The following PLAAT5 variants were observed in gnomAD, a reference collection of about 807,000 sequenced individuals.
PLAAT5 encodes phospholipase A and acyltransferase 5.
In PLAAT5, 27 loss-of-function variants were observed where a neutral mutation model predicts 27.8. That is an observed-to-expected ratio of 0.97 (90% CI 0.72 to 1.34). The LOEUF (loss-of-function observed/expected upper bound fraction) is 1.34. Ranked by LOEUF, PLAAT5 falls within the 40% of genes most tolerant of loss-of-function variation. The pLI, the probability that PLAAT5 is intolerant of heterozygous loss-of-function variation, is 0.00. For synonymous variants in PLAAT5, 125 were observed against 136.1 expected (o/e 0.92, Z 0.57); for missense variants, 368 against 343.8 (o/e 1.07, Z -0.56).
rs548706002 is a variant in PLAAT5, at chr11:63,461,597, TAA to T, written c.*1904_*1905del. On this transcript the variant is annotated 3_prime_UTR_variant, in exon 6 of 6. Coordinates refer to ENST00000540857, the MANE Select transcript of PLAAT5 (RefSeq NM_001146729.2). ...TCAAAATGCAGAAACCATTACAGAT[TAA>T]AAGAGAAACACACACACACACTTTG... The T allele has an allele frequency of 5.3e-5, 8 of 152,154 alleles. No individual in the cohort carries two copies. In the East Asian group the frequency reaches 1.4e-3, roughly 26 times the overall value. The allele number at this position is 152,154 out of a possible 1,614,324, so 9.4% of individuals were successfully genotyped here. A position where few individuals can be genotyped will look rare whatever the true frequency, so the allele number is the denominator to read the frequency against.
At position 63,491,053 on chromosome 11, in the gene PLAAT5, C is replaced by G; in HGVS notation, c.-19G>C. The G allele has an allele frequency of 7.0e-7, 1 of 1,423,902 alleles. No homozygotes were observed. The highest frequency in any genetic ancestry group is 9.2e-7 in the Non-Finnish European group (1 of 1,090,820). 88.2% of individuals were successfully genotyped at this position (1,423,902 alleles called of 1,614,324 possible). A position where few individuals can be genotyped will look rare whatever the true frequency, so the allele number is the denominator to read the frequency against. On this transcript the variant is annotated 5_prime_UTR_variant, in exon 1 of 6. Transcript: ENST00000540857. Reference sequence around the variant, plus strand: ...GGCCCATCCCGCCTCTGCGGCCTCGCCGGCCCCCAGGCCTTGCAGGGGACT... The same window carrying G: ...GGCCCATCCCGCCTCTGCGGCCTCGGCGGCCCCCAGGCCTTGCAGGGGACT...
chr11:63,485,605 A>C (rs1451316833), intron 3 of PLAAT5, among the ~76,000 whole-genome samples: 1 of 152,168 alleles, frequency 6.6e-6, no homozygotes, highest in African/African-American at 2.4e-5. Context: ...CTCAACTCTC[A>C]CCTTCTACAA....
At chr11:63,478,753 C>T (rs2016213614) in intron 3 of PLAAT5, among the ~76,000 whole-genome samples, 1 of 152,246 alleles carries the variant, frequency 6.6e-6, no homozygotes, top group African/African-American at 2.4e-5. Context: ...GATCTGCACT[C>T]AGCCATTCCA....
chr11:63,487,836 C>T (rs2016471505), intron 3 of PLAAT5, among the ~76,000 whole-genome samples: 4 of 152,298 alleles, frequency 2.6e-5, no homozygotes, highest in South Asian at 2.1e-4. Flanking sequence ...AAAGCAACAA[C>T]ATGGATGTCA....
intron 3 of PLAAT5, among the ~76,000 whole-genome samples, chr11:63,471,177 TAA>T (rs2016014685): frequency 6.6e-6 from 1 of 152,186 alleles, no homozygotes; most frequent in South Asian, 2.1e-4. Flanking sequence ...AATCAAACAT[TAA>T]GTCTATATAA....
At chr11:63,481,727 T>TA (rs1477236574) in intron 3 of PLAAT5, among the ~76,000 whole-genome samples, 1 of 152,110 alleles carries the variant, frequency 6.6e-6, no homozygotes, top group African/African-American at 2.4e-5. Flanking sequence ...TATGCAGCCA[T>TA]AAAAAATGAT....
At chr11:63,486,128 A>G (rs920814683) in intron 3 of PLAAT5, among the ~76,000 whole-genome samples, 1 of 152,200 alleles carries the variant, frequency 6.6e-6, no homozygotes, top group African/African-American at 2.4e-5. Flanking sequence ...AATAAAAAAA[A>G]TAATATGTGT....
At chr11:63,481,451 T>C (rs2120305534) in intron 3 of PLAAT5, among the ~76,000 whole-genome samples, 1 of 152,172 alleles carries the variant, frequency 6.6e-6, no homozygotes, top group African/African-American at 2.4e-5. Context: ...AAAATAATAA[T>C]AATAATAATA....
Position 63,468,351 on chromosome 11 carries a change from T to C in PLAAT5, c.454+6A>G. The stretch of plus-strand genomic sequence containing the variant: ...ATCAGTATTTCAATAGACTATTCAC[T>C]CTTACTTGGGGGAGCCAGATGGACC... On this transcript the variant is annotated splice_donor_region_variant and intron_variant, in intron 4 of 5. Transcript: ENST00000540857. The C allele has an allele frequency of 6.3e-7, 1 of 1,596,608 alleles. No homozygotes were observed. The highest frequency in any genetic ancestry group is 8.6e-7 in the Non-Finnish European group (1 of 1,164,154).
chr11:63,468,578 CA>C, intron 3 of PLAAT5, 113 bp from the exon 4 acceptor site: 2 of 715,844 alleles, frequency 2.8e-6, no homozygotes, highest in Middle Eastern at 2.4e-4. Flanking sequence ...TTCATCACTT[CA>C]CAGAAACCCA....
chr11:63,461,641 T>C lies in PLAAT5; in HGVS notation c.*1862A>G, dbSNP rs1156807276. The stretch of plus-strand genomic sequence containing the variant: ...CACACTTTGAGAAACTCGCCCTTCC[T>C]CATCTTCAAAGTGTGGGGTATGCAT... On this transcript the variant is annotated 3_prime_UTR_variant, in exon 6 of 6. Transcript: ENST00000540857. 2 of 152,172 alleles carry C rather than the reference T, an allele frequency of 1.3e-5. No individual in the cohort carries two copies. Among genetic ancestry groups the C allele is most frequent in the African/African-American group, 4.8e-5 (2 of 41,434 alleles). 9.4% of individuals were successfully genotyped at this position (152,172 alleles called of 1,614,324 possible). A position where few individuals can be genotyped will look rare whatever the true frequency, so the allele number is the denominator to read the frequency against.
intron 4 of PLAAT5, among the ~76,000 whole-genome samples, chr11:63,466,683 A>G (rs1177037315): frequency 3.3e-5 from 5 of 152,136 alleles, no homozygotes; most frequent in Admixed American, 3.3e-4. Context: ...TTTGAGTCTC[A>G]TTTCCTGAGA....
At chr11:63,473,239 C>A (rs758042740) in intron 3 of PLAAT5, among the ~76,000 whole-genome samples, 1 of 152,128 alleles carries the variant, frequency 6.6e-6, no homozygotes, top group African/African-American at 2.4e-5. Context: ...GACAACCGTG[C>A]GTCAGATAAG....
intron 3 of PLAAT5, among the ~76,000 whole-genome samples, chr11:63,479,669 T>C (rs949027025): frequency 6.6e-6 from 1 of 152,180 alleles, no homozygotes; most frequent in Non-Finnish European, 1.5e-5. Context: ...TATACACACA[T>C]GACACAGGAG....
rs1474676240 is a variant in PLAAT5 at position 63,466,278 on chromosome 11, G to A, written c.549C>T (p.Ser183=). Residue 183 remains serine, a synonymous_variant, in exon 5 of 6, where the codon TCC becomes TCT. Coordinates refer to ENST00000540857, the MANE Select transcript of PLAAT5 (RefSeq NM_001146729.2). ...SRLEDVLHGC[S]WKVNNKLDGT... The stretch of plus-strand genomic sequence containing the variant: ...CATCTAGCTTGTTATTGACCTTCCA[G>A]GAGCAGCCATGCAGCACATCCTCCA... The A allele has an allele frequency of 1.9e-6, 3 of 1,614,132 alleles. No individual in the cohort carries two copies. The South Asian group carries it at 3.3e-5, about 18-fold the overall frequency.
rs1407469563 is a variant in PLAAT5 at position 63,463,307 on chromosome 11, T to G, written c.*196A>C. The G allele has an allele frequency of 1.6e-6, 1 of 609,100 alleles. No individual in the cohort carries two copies. The highest frequency in any genetic ancestry group is 3.0e-6 in the Non-Finnish European group (1 of 338,438). The allele number at this position is 609,100 out of a possible 1,614,324, so 37.7% of individuals were successfully genotyped here. On this transcript the variant is annotated 3_prime_UTR_variant, in exon 6 of 6. Coordinates refer to ENST00000540857, the MANE Select transcript of PLAAT5 (RefSeq NM_001146729.2). Reference sequence around the variant, plus strand: ...GAGATACACACTAGATACCAGATCCTTCCCATCCTGAGAGTCTGTGGGTCT... The same window carrying G: ...GAGATACACACTAGATACCAGATCCGTCCCATCCTGAGAGTCTGTGGGTCT...
intron 3 of PLAAT5, among the ~76,000 whole-genome samples, chr11:63,473,095 G>A (rs1288735423): frequency 6.6e-6 from 1 of 151,882 alleles, no homozygotes; most frequent in Non-Finnish European, 1.5e-5. Context: ...TCCAGCATAG[G>A]TGACAGAGCA....
chr11:63,477,914 TGA>T (rs1449867888), intron 3 of PLAAT5, among the ~76,000 whole-genome samples: 2 of 152,258 alleles, frequency 1.3e-5, no homozygotes, highest in Non-Finnish European at 2.9e-5. Context: ...CAGATTTTTA[TGA>T]GTCTCCAGTC....
chr11:63,477,842 C>T (rs1376669284), intron 3 of PLAAT5, among the ~76,000 whole-genome samples: 7 of 152,052 alleles, frequency 4.6e-5, no homozygotes, highest in Admixed American at 2.6e-4. Flanking sequence ...CACCTTGTGC[C>T]GCGAAGGCTT....
Sources: allele counts gnomAD v4.1 joint callset (sites outside exome capture counted in the v4.1 genomes callset), GRCh38; gene constraint gnomAD v4.1.1; transcripts MANE v1.5; gene names NCBI Gene and HGNC (gene_info 2026-07-23, HGNC 2026-07-21).